The following RBFOX1 variants were observed in gnomAD, a reference collection of about 807,000 sequenced individuals.
The protein encoded by RBFOX1 is RNA binding protein fox-1 homolog 1.
RBFOX1 carries 8 observed loss-of-function variants against 57.7 expected under a neutral mutation model. The ratio of observed to expected loss-of-function variants is 0.14; its 90% confidence interval spans 0.08 to 0.25. The LOEUF (loss-of-function observed/expected upper bound fraction) is 0.25. Ranked by LOEUF, RBFOX1 falls within the 10% of genes least tolerant of loss-of-function variation. RBFOX1 has a pLI of 1.00. For missense variants in RBFOX1, 611 were observed against 548.5 expected, an observed-to-expected ratio of 1.11 and a Z score of -1.14; for synonymous variants, 326 against 222.4, an observed-to-expected ratio of 1.47 and a Z score of -4.15.
At chr16:6,893,966 A>C (rs933935684) in intron 3 of RBFOX1, among the ~76,000 whole-genome samples, 2 of 152,166 alleles carry the variant, frequency 1.3e-5, no homozygotes, top group African/African-American at 4.8e-5. Context: ...ACCAAGTGCT[A>C]TGATGTCTTC....
At chr16:7,575,073 G>A (rs1298006971) in intron 5 of RBFOX1, among the ~76,000 whole-genome samples, 1 of 151,860 alleles carries the variant, frequency 6.6e-6, no homozygotes, top group Non-Finnish European at 1.5e-5. Context: ...GGGGGAGGAG[G>A]TCTTTGCAGA....
chr16:5,653,856 A>C (rs1596603415), intron 3 of RBFOX1, among the ~76,000 whole-genome samples: 1 of 152,320 alleles, frequency 6.6e-6, no homozygotes, highest in East Asian at 1.9e-4. Flanking sequence ...TGGCAAACTC[A>C]GCCAAGACCA....
chr16:6,136,462 G>A (rs1244101340), intron 1 of RBFOX1, among the ~76,000 whole-genome samples: 4 of 152,126 alleles, frequency 2.6e-5, no homozygotes, highest in African/African-American at 4.8e-5. Flanking sequence ...GGAGAATTGC[G>A]GTGATAAGGG....
intron 4 of RBFOX1, among the ~76,000 whole-genome samples, chr16:7,473,852 A>C (rs2062060353): frequency 6.6e-6 from 1 of 152,138 alleles, no homozygotes; most frequent in Non-Finnish European, 1.5e-5. Flanking sequence ...AGGGACATTG[A>C]TTCTAGGGGA....
chr16:6,997,890 T>G (rs2092405856), intron 3 of RBFOX1, among the ~76,000 whole-genome samples: 1 of 152,158 alleles, frequency 6.6e-6, no homozygotes, highest in African/African-American at 2.4e-5. Flanking sequence ...CTGAAGGTTG[T>G]GCACTACATG....
At chr16:6,818,379 C>T (rs1165080607) in intron 3 of RBFOX1, among the ~76,000 whole-genome samples, 9 of 151,828 alleles carry the variant, frequency 5.9e-5, no homozygotes, top group Non-Finnish European at 8.8e-5. Flanking sequence ...GGACTTAAAC[C>T]AAGTTTAGAA....
At chr16:6,848,234 A>T (rs2093870475) in intron 3 of RBFOX1, among the ~76,000 whole-genome samples, 1 of 151,970 alleles carries the variant, frequency 6.6e-6, no homozygotes, top group South Asian at 2.1e-4. Flanking sequence ...CGGGCCCATG[A>T]CCATTCAAAG....
intron 4 of RBFOX1, among the ~76,000 whole-genome samples, chr16:7,495,011 T>C (rs916207316): frequency 6.6e-6 from 1 of 152,162 alleles, no homozygotes; most frequent in Non-Finnish European, 1.5e-5. Context: ...TGTTGTTCCC[T>C]TATTTATGAC....
chr16:5,388,667 C>T (rs762168886), intron 1 of RBFOX1, among the ~76,000 whole-genome samples: 3 of 151,984 alleles, frequency 2.0e-5, no homozygotes, highest in African/African-American at 2.4e-5. Context: ...ACCTCCACCT[C>T]CCGGGTTCAA....
chr16:7,567,170 T>C (rs1289427459), intron 5 of RBFOX1, among the ~76,000 whole-genome samples: 1 of 147,048 alleles, frequency 6.8e-6, no homozygotes, highest in Non-Finnish European at 1.5e-5. Context: ...TATCCATATA[T>C]ATATCCCTAT....
intron 3 of RBFOX1, among the ~76,000 whole-genome samples, chr16:6,947,461 AGAACATATGTTCTTGGGAAGGATGTAG>A (rs1230922183): frequency 1.3e-5 from 2 of 152,218 alleles, no homozygotes; most frequent in South Asian, 4.1e-4. Context: ...CATCCGGCTG[AGAACATATGTTCTTGGGAAGGATGTAG>A]GAACACCCTG....
At chr16:7,149,383 CA>C in intron 4 of RBFOX1, among the ~76,000 whole-genome samples, 1 of 152,144 alleles carries the variant, frequency 6.6e-6, no homozygotes, top group Non-Finnish European at 1.5e-5. Context: ...ATTGATCCCC[CA>C]CTCCATTCCC....
Position 6,388,686 on chromosome 16 carries a change from G to A in RBFOX1, c.-64+71629G>A, listed in dbSNP as rs145227156. Among the ~76,000 whole-genome samples the A allele has an allele frequency of 3.0e-3, 453 of 152,232 alleles. 2 individuals carry two copies. The highest frequency in any genetic ancestry group is 0.01 in the African/African-American group (431 of 41,540). ...ACCTAGGAGTTTGAGGCTGCAGGGA[G>A]CTATGATTGTGTCACTGCCTTCTAG... On this transcript the variant is annotated intron_variant, in intron 2 of 15. Coordinates refer to ENST00000550418, the MANE Select transcript of RBFOX1 (RefSeq NM_018723.4).
At chr16:5,451,502 C>G (rs1446171119) in intron 1 of RBFOX1, among the ~76,000 whole-genome samples, 1 of 152,184 alleles carries the variant, frequency 6.6e-6, no homozygotes, top group Non-Finnish European at 1.5e-5. Context: ...TTATTGAGGG[C>G]CTACTAGGTG....
intron 5 of RBFOX1, among the ~76,000 whole-genome samples, chr16:7,541,661 T>G (rs2082975408): frequency 6.6e-6 from 1 of 152,172 alleles, no homozygotes; most frequent in African/African-American, 2.4e-5. Context: ...TAAAAATGTT[T>G]CGGGAAAGCT....
chr16:5,469,673 C>T (rs1335829425), intron 2 of RBFOX1, among the ~76,000 whole-genome samples: 1 of 152,144 alleles, frequency 6.6e-6, no homozygotes, highest in East Asian at 1.9e-4. Flanking sequence ...CCCCTTCCTC[C>T]ATCCCCAGCC....
chr16:5,671,470 G>A (rs996423598), intron 3 of RBFOX1, among the ~76,000 whole-genome samples: 2 of 152,202 alleles, frequency 1.3e-5, no homozygotes, highest in African/African-American at 2.4e-5. Context: ...TGTTTTTAGT[G>A]TATGCGGTGC....
At chr16:6,328,994 G>T (rs886594143) in intron 2 of RBFOX1, among the ~76,000 whole-genome samples, 35 of 152,286 alleles carry the variant, frequency 2.3e-4, no homozygotes, top group South Asian at 8.3e-4. Flanking sequence ...TCAGCAGCTG[G>T]TTCTGAAGTT....
At chr16:5,618,173 C>T (rs532380675) in intron 3 of RBFOX1, among the ~76,000 whole-genome samples, 1 of 152,156 alleles carries the variant, frequency 6.6e-6, no homozygotes, top group African/African-American at 2.4e-5. Context: ...CCTACTCTGT[C>T]GTCTCTTTCC....
Sources: allele counts gnomAD v4.1 joint callset (sites outside exome capture counted in the v4.1 genomes callset), GRCh38; gene constraint gnomAD v4.1.1; transcripts MANE v1.5; gene names NCBI Gene and HGNC (gene_info 2026-07-23, HGNC 2026-07-21).